CMTM1: variants seen among roughly 807,000 people sequenced by gnomAD.
CMTM1 encodes the protein CKLF-like MARVEL transmembrane domain-containing protein 1.
Under a neutral mutation model 17.8 loss-of-function variants are expected in CMTM1, and 16 were observed. That is an observed-to-expected ratio of 0.90 (90% CI 0.61 to 1.37). The LOEUF is 1.37. Ranked by LOEUF, CMTM1 falls within the 40% of genes most tolerant of loss-of-function variation. CMTM1 has a pLI of 0.00. For missense variants in CMTM1, 354 were observed against 375.6 expected, an observed-to-expected ratio of 0.94 and a Z score of 0.47; for synonymous variants, 169 against 154.6, an observed-to-expected ratio of 1.09 and a Z score of -0.69.
rs756138384 is a variant in CMTM1 at position 66,567,153 on chromosome 16, TC to T, written c.432+209del. The T allele has an allele frequency of 0.014, 8,706 of 625,716 alleles. 362 individuals are homozygous for T. In the African/African-American group the frequency reaches 0.18, roughly 13 times the overall value. 38.8% of individuals were successfully genotyped at this position (625,716 alleles called of 1,614,324 possible). A position where few individuals can be genotyped will look rare whatever the true frequency, so the allele number is the denominator to read the frequency against. Reference sequence around the variant, plus strand: ...CTTGCCTCTTTTTTTCCCTATTTTTTCTTTTTTTTTTTTTTTTATTATACTT... The same window carrying T: ...CTTGCCTCTTTTTTTCCCTATTTTTTTTTTTTTTTTTTTTTTATTATACTT... On this transcript the variant is annotated intron_variant, in intron 1 of 3. Transcript: ENST00000379500.
intron 1 of CMTM1, among the ~76,000 whole-genome samples, chr16:66,568,464 TAAGA>T (rs1444431338): frequency 6.6e-6 from 1 of 152,162 alleles, no homozygotes; most frequent in African/African-American, 2.4e-5. Flanking sequence ...CATTTCAAAC[TAAGA>T]GTCAGCATAT....
At position 66,570,050 on chromosome 16, in the gene CMTM1, C is replaced by CT; in HGVS notation, c.548dup (p.Thr184AsnfsTer15). 1 of 1,605,518 alleles carries CT rather than the reference C, an allele frequency of 6.2e-7. No homozygotes were observed. The highest frequency in any genetic ancestry group is 8.5e-7 in the Non-Finnish European group (1 of 1,175,278). On this transcript the variant is annotated frameshift_variant, in exon 2 of 4. Coordinates refer to ENST00000379500, the MANE Select transcript of CMTM1 (RefSeq NM_052999.4). LOFTEE classifies it high-confidence loss of function. The stretch of plus-strand genomic sequence containing the variant: ...CGTTTTTTTTATTCTAATATATGTG[C>CT]TAACCCTTCACCACTTGCTGACCTA...
rs753064838 is a variant in CMTM1, at chr16:66,570,064, C to T, written c.561C>T (p.His187=). The T allele has an allele frequency of 1.2e-6, 2 of 1,604,756 alleles. No individual in the cohort carries two copies. Among genetic ancestry groups the T allele is most frequent in the African/African-American group, 1.3e-5 (1 of 74,202 alleles). Residue 187 remains histidine, a synonymous_variant, in exon 2 of 4, where the codon CAC becomes CAT. Transcript: ENST00000379500. ...TAATATATGTGCTAACCCTTCACCA[C>T]TTGCTGACCTATTTACATTGGCCCT... ...FILIYVLTLH[H]LLTYLHWPLL...
intron 3 of CMTM1, among the ~76,000 whole-genome samples, chr16:66,578,355 C>A (rs2014517157): frequency 6.6e-6 from 1 of 152,198 alleles, no homozygotes; most frequent in Non-Finnish European, 1.5e-5. Context: ...AGATCCTGCA[C>A]CTCTCCAGCC....
In CMTM1 at chr16:66,577,192, A is replaced by G. The variant is rs147603897; in HGVS notation, c.680A>G (p.Tyr227Cys). ...MQEKKRRHLL[Y>C]VGGSLCLTAV... The stretch of plus-strand genomic sequence containing the variant: ...GAAAAGAAAAGAAGGCATTTACTCT[A>G]TGTCGGGGGGGTAAGTAGAGGCCTT... Residue 227 changes from tyrosine (Y) to cysteine (C), a missense_variant, in exon 3 of 4, where the codon TAT becomes TGT. Transcript: ENST00000379500. The G allele has an allele frequency of 4.3e-6, 7 of 1,613,626 alleles. No homozygotes were observed. In the East Asian group the frequency reaches 1.6e-4, roughly 36 times the overall value.
chr16:66,570,204 G>A, intron 2 of CMTM1, 110 bp downstream of exon 2: 1 of 864,890 alleles, frequency 1.2e-6, no homozygotes, highest in Non-Finnish European at 1.8e-6. Context: ...CAAGGACATA[G>A]CTGAGCTGTG....
intron 2 of CMTM1, among the ~76,000 whole-genome samples, chr16:66,572,692 A>T (rs538019786): frequency 2.0e-5 from 3 of 152,250 alleles, no homozygotes; most frequent in Non-Finnish European, 4.4e-5. Flanking sequence ...GCATGCAGCT[A>T]CCACTTCCTT....
intron 2 of CMTM1, among the ~76,000 whole-genome samples, chr16:66,572,851 A>C (rs996391334): frequency 1.1e-4 from 16 of 152,160 alleles, no homozygotes; most frequent in African/African-American, 3.6e-4. Context: ...TGTTTGAAAA[A>C]GGGGTGAGGG....
chr16:66,576,517 C>T (rs2014268653), intron 2 of CMTM1, among the ~76,000 whole-genome samples: 1 of 152,164 alleles, frequency 6.6e-6, no homozygotes, highest in African/African-American at 2.4e-5. Flanking sequence ...GAGCAAAAAA[C>T]ATTCACTCCA....
Position 66,566,803 on chromosome 16 carries a change from C to G in CMTM1, c.290C>G (p.Ser97Cys), listed in dbSNP as rs2144582066. 6.2e-7 allele frequency: 1 copy of G among 1,613,908 alleles called. No homozygotes were observed. ...PKPTLPPPTP[S>C]AHTESKLLNE... Reference sequence around the variant, plus strand: ...CCCACACTCCCACCCCCCACGCCCTCTGCACACACTGAATCCAAACTCTTA... The same window carrying G: ...CCCACACTCCCACCCCCCACGCCCTGTGCACACACTGAATCCAAACTCTTA... The change falls in exon 1 of 4, where the codon TCT becomes TGT. Residue 97 changes from serine to cysteine, a missense_variant. Coordinates refer to ENST00000379500, the MANE Select transcript of CMTM1 (RefSeq NM_052999.4). This position sits in a 1 kb window ranked among gnomAD's most constrained non-coding sequence, Gnocchi z 4.9.
Position 66,570,055 on chromosome 16 carries a change from C to G in CMTM1, c.552C>G (p.Thr184=), listed in dbSNP as rs1189385162. Residue 184 remains threonine (T), a synonymous_variant, in exon 2 of 4, where the codon ACC becomes ACG. Transcript: ENST00000379500. Reference sequence around the variant, plus strand: ...TTTTTATTCTAATATATGTGCTAACCCTTCACCACTTGCTGACCTATTTAC... The same window carrying G: ...TTTTTATTCTAATATATGTGCTAACGCTTCACCACTTGCTGACCTATTTAC... ...VVFFILIYVL[T]LHHLLTYLHW... is the part of the protein sequence containing the mutation. 1 of 1,608,284 alleles carries G rather than the reference C, an allele frequency of 6.2e-7. No individual in the cohort carries two copies. Among genetic ancestry groups the G allele is most frequent in the African/African-American group, 1.3e-5 (1 of 74,486 alleles).
chr16:66,567,101 C>T (rs1445275207), intron 1 of CMTM1, 156 bp downstream of exon 1: 3 of 753,128 alleles, frequency 4.0e-6, no homozygotes, highest in Non-Finnish European at 7.0e-6. Context: ...CCCCCTGCTC[C>T]CCACACACTA....
chr16:66,567,167 T>A, intron 1 of CMTM1: 1 of 642,290 alleles, frequency 1.6e-6, no homozygotes, highest in Non-Finnish European at 2.7e-6. Flanking sequence ...TTTTTTTTTT[T>A]TTTATTATAC....
chr16:66,568,953 ACAAAT>A lies in CMTM1; in HGVS notation c.433-979_433-975del, dbSNP rs979791748. The stretch of plus-strand genomic sequence containing the variant: ...AATGTAATTGCATATCTAGAAAAAA[ACAAAT>A]CAACTGGAAACAATTTAGAGCAAGA... On this transcript the variant is annotated intron_variant, in intron 1 of 3. Transcript: ENST00000379500. Among the ~76,000 whole-genome samples the A allele has an allele frequency of 2.2e-4, 33 of 151,956 alleles. No individual in the cohort carries two copies. The Middle Eastern group carries it at 0.017, about 78-fold the overall frequency.
Position 66,577,126 on chromosome 16 carries a change from C to T in CMTM1, c.614C>T (p.Thr205Ile), listed in dbSNP as rs929451998. ...PLLDLTNSIITAVFLSVVAIL... is the reference protein window; with the variant it reads ...PLLDLTNSIIIAVFLSVVAIL... ...CAGGATCTTACCAACAGTATCATTA[C>T]AGCTGTGTTCCTTTCAGTAGTTGCC... Residue 205 changes from threonine (T) to isoleucine (I), a missense_variant, in exon 3 of 4, where the codon ACA (threonine) becomes ATA (isoleucine). Physicochemically the swap from Thr to Ile is moderately conservative, Grantham distance 89. Transcript: ENST00000379500. The T allele has an allele frequency of 1.2e-6, 2 of 1,613,720 alleles. No individual in the cohort carries two copies. The highest frequency in any genetic ancestry group is 1.7e-6 in the Non-Finnish European group (2 of 1,179,826).
At position 66,577,102 on chromosome 16, in the gene CMTM1, A is replaced by C. The variant is rs368312142; in HGVS notation, c.592-2A>C. 5 of 1,609,658 alleles carry C rather than the reference A, an allele frequency of 3.1e-6. No homozygotes were observed. Among genetic ancestry groups the C allele is most frequent in the African/African-American group, 2.7e-5 (2 of 74,744 alleles). On this transcript the variant is annotated splice_acceptor_variant, in intron 2 of 3. Transcript: ENST00000379500. LOFTEE classifies it high-confidence loss of function. ...TTGATAATTTTCAATTCTTTATTAC[A>C]GGATCTTACCAACAGTATCATTACA...
intron 2 of CMTM1, among the ~76,000 whole-genome samples, chr16:66,571,914 T>G (rs1330156278): frequency 2.0e-5 from 3 of 152,188 alleles, no homozygotes; most frequent in South Asian, 2.1e-4. Context: ...GAACCGTGAG[T>G]GTCCTATGAG....
At chr16:66,575,215 C>G (rs1399872684) in intron 2 of CMTM1, 39 of 985,244 alleles carry the variant, frequency 4.0e-5, no homozygotes, top group Non-Finnish European at 4.7e-5. Context: ...AGTTTACTAT[C>G]TGTTAACATT....
rs559244751 is a variant in CMTM1, at chr16:66,577,053, G to T, written c.592-51G>T. On this transcript the variant is annotated intron_variant, in intron 2 of 3. Transcript: ENST00000379500. Reference sequence around the variant, plus strand: ...GTGTAATTGACCAGTTTAAATATTTGTGAAATTATATTGTTGTGTAAACTT... The same window carrying T: ...GTGTAATTGACCAGTTTAAATATTTTTGAAATTATATTGTTGTGTAAACTT... 752 of 1,526,878 alleles carry T rather than the reference G, an allele frequency of 4.9e-4. 8 individuals are homozygous for T. The South Asian group carries it at 6.7e-3, about 14-fold the overall frequency. The allele number at this position is 1,526,878 out of a possible 1,614,324, so 94.6% of individuals were successfully genotyped here.
Sources: gnomAD v4.1 joint callset for allele counts (sites outside exome capture counted in the v4.1 genomes callset) on GRCh38, gnomAD v4.1.1 for gene constraint, Gnocchi (gnomAD v3.1) non-coding constraint, MANE v1.5 for transcripts, NCBI Gene and HGNC (gene_info 2026-07-23, HGNC 2026-07-21) for gene names.